STARD3NL: variants seen among roughly 807,000 people sequenced by gnomAD.
The protein encoded by STARD3NL is STARD3 N-terminal-like protein.
STARD3NL carries 17 observed loss-of-function variants against 30.9 expected under a neutral mutation model. The observed-to-expected ratio is 0.55, with a 90% CI of 0.38 to 0.82. The LOEUF (loss-of-function observed/expected upper bound fraction) is 0.82, where lower values mean the gene tolerates loss of function less well. Among genes scored for constraint, STARD3NL ranks in the 40% least tolerant of loss-of-function variants. The pLI, the probability that STARD3NL is intolerant of heterozygous loss-of-function variation, is 0.00. For synonymous variants in STARD3NL, 112 were observed against 100.5 expected, an observed-to-expected ratio of 1.11 and a Z score of -0.69; for missense variants, 234 against 277.6, an observed-to-expected ratio of 0.84 and a Z score of 1.12.
intron 1 of STARD3NL, among the ~76,000 whole-genome samples, chr7:38,203,891 C>T (rs997730022): frequency 3.9e-5 from 6 of 152,196 alleles, no homozygotes; most frequent in South Asian, 4.1e-4. Context: ...AAGGCCATTA[C>T]ATAATGGTAA....
At chr7:38,204,659 GAC>G (rs1208014809) in intron 1 of STARD3NL, among the ~76,000 whole-genome samples, 1 of 152,154 alleles carries the variant, frequency 6.6e-6, no homozygotes, top group African/African-American at 2.4e-5. Context: ...AGGAGGTAGA[GAC>G]ACAAAAAACC....
chr7:38,230,200 C>G lies in STARD3NL; in HGVS notation c.*295C>G, dbSNP rs1787021240. 1 of 152,590 alleles carries G rather than the reference C, an allele frequency of 6.6e-6. No homozygotes were observed. Among genetic ancestry groups the G allele is most frequent in the South Asian group, 2.1e-4 (1 of 4,828 alleles). 9.5% of individuals were successfully genotyped at this position (152,590 alleles called of 1,614,324 possible). On this transcript the variant is annotated 3_prime_UTR_variant, in exon 9 of 9. Coordinates refer to ENST00000009041, the MANE Select transcript of STARD3NL (RefSeq NM_032016.4). ...GGTGAAGAAAGTCTTGTGCTGTATT[C>G]CTAATCAAAAGACTTAATATATTGA...
chr7:38,197,040 A>T (rs1450016840), intron 1 of STARD3NL, among the ~76,000 whole-genome samples: 1 of 152,130 alleles, frequency 6.6e-6, no homozygotes, highest in African/African-American at 2.4e-5. Context: ...CAGACTCAGG[A>T]GGTTGGAGTG....
intron 7 of STARD3NL, among the ~76,000 whole-genome samples, chr7:38,228,074 T>C (rs1481678531): frequency 2.0e-5 from 3 of 152,194 alleles, no homozygotes; most frequent in Admixed American, 2.0e-4. Context: ...TTGCTATACA[T>C]TTGCTTTTAC....
chr7:38,223,619 A>G (rs569987121), intron 7 of STARD3NL, among the ~76,000 whole-genome samples: 1 of 152,174 alleles, frequency 6.6e-6, no homozygotes, highest in East Asian at 1.9e-4. Flanking sequence ...TGGTTGCCCC[A>G]TATAGTTATT....
intron 7 of STARD3NL, among the ~76,000 whole-genome samples, chr7:38,222,407 A>C (rs1291223406): frequency 6.6e-6 from 1 of 152,234 alleles, no homozygotes; most frequent in East Asian, 1.9e-4. Context: ...AGAATTTAGT[A>C]TTAAATTGTT....
At chr7:38,228,643 C>A (rs1041825998) in intron 7 of STARD3NL, among the ~76,000 whole-genome samples, 156 bp from the exon 8 acceptor site, 1 of 152,122 alleles carries the variant, frequency 6.6e-6, no homozygotes, top group Admixed American at 6.5e-5. Context: ...ATAAATAAAG[C>A]TTTCAAATAG....
chr7:38,188,328 C>G (rs1562597146), intron 1 of STARD3NL, among the ~76,000 whole-genome samples: 1 of 152,166 alleles, frequency 6.6e-6, no homozygotes, highest in African/African-American at 2.4e-5. Context: ...AACTTTTGCC[C>G]CTGTTCTTCC....
intron 1 of STARD3NL, among the ~76,000 whole-genome samples, chr7:38,182,349 G>A (rs948936690): frequency 1.2e-4 from 18 of 152,146 alleles, no homozygotes; most frequent in African/African-American, 4.1e-4. Context: ...AAATGTTGAA[G>A]GCACACTGTC....
In STARD3NL at chr7:38,228,835, A is replaced by T; in HGVS notation, c.686A>T (p.Lys229Ile). ...EEAEEKQDSE[K>I]PLLEL ...GCTGAAGAAAAACAGGACAGTGAGA[A>T]ACCACTTTTAGAACTATGAGTACTA... Residue 229 changes from lysine to isoleucine, a missense_variant, in exon 8 of 9, where the codon AAA (lysine) becomes ATA (isoleucine). Coordinates refer to ENST00000009041, the MANE Select transcript of STARD3NL (RefSeq NM_032016.4). 1.2e-6 allele frequency: 2 copies of T among 1,613,006 alleles called. No individual in the cohort carries two copies. The highest frequency in any genetic ancestry group is 1.7e-6 in the Non-Finnish European group (2 of 1,179,378).
intron 1 of STARD3NL, among the ~76,000 whole-genome samples, chr7:38,183,605 A>G (rs1200366079): frequency 6.6e-6 from 1 of 152,238 alleles, no homozygotes. Flanking sequence ...CATTCAAAAT[A>G]TATTGGAAAG....
intron 1 of STARD3NL, among the ~76,000 whole-genome samples, chr7:38,193,965 A>G (rs1362001725): frequency 6.6e-6 from 1 of 152,108 alleles, no homozygotes; most frequent in Non-Finnish European, 1.5e-5. Flanking sequence ...TTCCTTTTTA[A>G]CATTCTGAAT....
chr7:38,186,919 G>A (rs1210890020), intron 1 of STARD3NL, among the ~76,000 whole-genome samples: 1 of 152,098 alleles, frequency 6.6e-6, no homozygotes, highest in Non-Finnish European at 1.5e-5. Flanking sequence ...TGAATGCCAG[G>A]AGAAACCACT....
intron 1 of STARD3NL, among the ~76,000 whole-genome samples, chr7:38,203,709 T>C (rs1785297295): frequency 6.6e-6 from 1 of 152,110 alleles, no homozygotes; most frequent in African/African-American, 2.4e-5. Context: ...TTAAGACCCA[T>C]CAGTGTGCTG....
At chr7:38,217,105 G>T in intron 5 of STARD3NL, 27 bp downstream of exon 5, 1 of 1,614,006 alleles carries the variant, frequency 6.2e-7, no homozygotes, top group Non-Finnish European at 8.5e-7. Context: ...TTTCTATACA[G>T]TTACCATCTT....
intron 1 of STARD3NL, among the ~76,000 whole-genome samples, chr7:38,198,040 G>T (rs1480202631): frequency 6.6e-6 from 1 of 152,204 alleles, no homozygotes. Flanking sequence ...CACAGCCATG[G>T]CAGTCTGTCC....
At chr7:38,215,275 C>T in intron 4 of STARD3NL, 170 bp downstream of exon 4, 1 of 586,022 alleles carries the variant, frequency 1.7e-6, no homozygotes, top group South Asian at 2.2e-5. Context: ...TCCAGGGCTT[C>T]TTTCCAATGT....
chr7:38,178,890 C>T (rs541886326), intron 1 of STARD3NL, among the ~76,000 whole-genome samples: 1 of 151,452 alleles, frequency 6.6e-6, no homozygotes, highest in Non-Finnish European at 1.5e-5. Context: ...AAAGAAAGCA[C>T]GAATCATGAA....
chr7:38,210,723 G>A (rs1325572683), intron 2 of STARD3NL, among the ~76,000 whole-genome samples: 1 of 152,144 alleles, frequency 6.6e-6, no homozygotes, highest in African/African-American at 2.4e-5. Flanking sequence ...TGTGAACAGG[G>A]ATCAAAGTAG....
Sources: gnomAD v4.1 joint callset for allele counts (sites outside exome capture counted in the v4.1 genomes callset) on GRCh38, gnomAD v4.1.1 for gene constraint, MANE v1.5 for transcripts, NCBI Gene and HGNC (gene_info 2026-07-23, HGNC 2026-07-21) for gene names.